The following SOX5 variants were observed in gnomAD, a reference collection of about 807,000 sequenced individuals.
SOX5 encodes SRY-box transcription factor 5.
SOX5 carries 9 observed loss-of-function variants against 92.0 expected under a neutral mutation model. The ratio of observed to expected loss-of-function variants is 0.10; its 90% CI spans 0.06 to 0.17. SOX5 has a LOEUF of 0.17. SOX5 is among the 10% of genes least tolerant of loss of function. The pLI is 1.00. For missense variants in SOX5, 642 were observed against 944.5 expected, an observed-to-expected ratio of 0.68 and a Z score of 4.20; for synonymous variants, 344 against 336.3, an observed-to-expected ratio of 1.02 and a Z score of -0.25.
In SOX5 at chr12:24,323,189, T is replaced by C. The variant is rs761117332; in HGVS notation, c.-174+45374A>G. Among the ~76,000 whole-genome samples, 122 of 152,040 alleles carry C rather than the reference T, an allele frequency of 8.0e-4. 1 individual carries two copies. In the Middle Eastern group the frequency reaches 0.02, roughly 25 times the overall value. On this transcript the variant is annotated intron_variant, in intron 2 of 4. Transcript: ENST00000446891. ...GCCTTAAAATGATTTTGATGTACCA[T>C]TGTGGTAAGGCAATGTAATAAATTA... is the stretch of plus-strand genomic sequence containing the variant.
intron 1 of SOX5, among the ~76,000 whole-genome samples, chr12:24,470,264 G>A (rs756272611): frequency 3.3e-5 from 5 of 152,078 alleles, no homozygotes; most frequent in East Asian, 1.9e-4. Context: ...GCATCATTAC[G>A]ACATCAGCCT....
intron 2 of SOX5, among the ~76,000 whole-genome samples, 173 bp downstream of exon 2, chr12:23,895,620 T>C (rs1159977409): frequency 6.6e-6 from 1 of 152,210 alleles, no homozygotes; most frequent in South Asian, 2.1e-4. Context: ...AAACAGCGTA[T>C]CTTATGCTGC....
chr12:23,938,834 T>C (rs1943097845), intron 1 of SOX5, among the ~76,000 whole-genome samples: 1 of 151,066 alleles, frequency 6.6e-6, no homozygotes, highest in Non-Finnish European at 1.5e-5. Context: ...AAAACAATTA[T>C]ATTAACTACA....
chr12:24,013,827 A>G (rs1953248930), intron 4 of SOX5, among the ~76,000 whole-genome samples: 1 of 152,194 alleles, frequency 6.6e-6, no homozygotes, highest in Admixed American at 6.5e-5. Context: ...GTTTTCATAG[A>G]TTTCTAAGAC....
intron 3 of SOX5, among the ~76,000 whole-genome samples, chr12:23,805,441 AC>A (rs1379415175): frequency 2.6e-5 from 4 of 152,168 alleles, no homozygotes; most frequent in South Asian, 2.1e-4. Context: ...TGAAAAAAAA[AC>A]ATATGCTCAA....
chr12:24,277,889 T>C (rs1031446144), intron 2 of SOX5, among the ~76,000 whole-genome samples: 7 of 152,142 alleles, frequency 4.6e-5, no homozygotes, highest in Non-Finnish European at 7.4e-5. Context: ...TTCATTTCAT[T>C]CCATCACTGC....
At chr12:24,390,327 G>A (rs1008338752) in intron 1 of SOX5, among the ~76,000 whole-genome samples, 62 of 152,150 alleles carry the variant, frequency 4.1e-4, no homozygotes, top group African/African-American at 1.4e-3. Flanking sequence ...TCTTGCTTGA[G>A]CAGCTATGCC....
chr12:24,516,272 T>C (rs1258473602), intron 1 of SOX5, among the ~76,000 whole-genome samples: 1 of 152,142 alleles, frequency 6.6e-6, no homozygotes, highest in East Asian at 1.9e-4. Flanking sequence ...GGTCTCTGAC[T>C]CCTGGCCTCA....
chr12:24,314,378 G>C (rs1025626173), intron 2 of SOX5, among the ~76,000 whole-genome samples: 15 of 136,584 alleles, frequency 1.1e-4, no homozygotes, highest in African/African-American at 2.7e-4. Flanking sequence ...AGTAGGGGGA[G>C]GGGGGAGGGA....
At chr12:23,938,891 T>A (rs774120488) in intron 1 of SOX5, among the ~76,000 whole-genome samples, 3 of 151,038 alleles carry the variant, frequency 2.0e-5, no homozygotes, top group African/African-American at 7.3e-5. Flanking sequence ...TTATTTTATA[T>A]GCTGAAATAA....
chr12:24,144,010 G>T (rs1950838971), intron 4 of SOX5, among the ~76,000 whole-genome samples: 2 of 150,978 alleles, frequency 1.3e-5, no homozygotes, highest in Non-Finnish European at 3.0e-5. Context: ...ATAAAATGAA[G>T]AAAATTATAG....
chr12:24,264,816 T>G (rs1298178564), intron 3 of SOX5, among the ~76,000 whole-genome samples: 1 of 152,230 alleles, frequency 6.6e-6, no homozygotes, highest in East Asian at 1.9e-4. Context: ...GGATTTGAGT[T>G]TTCAAAAGTT....
chr12:23,823,865 G>A (rs2096176007), intron 3 of SOX5, among the ~76,000 whole-genome samples: 2 of 151,980 alleles, frequency 1.3e-5, no homozygotes, highest in Admixed American at 1.3e-4. Flanking sequence ...TCATTAAGTT[G>A]ATCTTCAATC....
At chr12:24,263,764 T>C (rs892844455) in intron 3 of SOX5, among the ~76,000 whole-genome samples, 1 of 152,166 alleles carries the variant, frequency 6.6e-6, no homozygotes, top group Non-Finnish European at 1.5e-5. Context: ...CTGAGCAATA[T>C]TTACCTACGT....
chr12:24,360,242 A>C (rs1955390157), intron 2 of SOX5, among the ~76,000 whole-genome samples: 1 of 152,218 alleles, frequency 6.6e-6, no homozygotes, highest in African/African-American at 2.4e-5. Context: ...CCTTATATAA[A>C]TAGAACCAGC....
intron 1 of SOX5, among the ~76,000 whole-genome samples, chr12:24,442,599 A>G (rs1258858355): frequency 6.6e-6 from 1 of 152,210 alleles, no homozygotes; most frequent in Non-Finnish European, 1.5e-5. Context: ...AGAAAGTCAC[A>G]TTGCACAAAA....
chr12:24,109,430 A>T (rs1444063767), intron 4 of SOX5, among the ~76,000 whole-genome samples: 1 of 152,184 alleles, frequency 6.6e-6, no homozygotes, highest in Non-Finnish European at 1.5e-5. Context: ...AGAATTATGC[A>T]CTTCTACCAC....
At chr12:24,250,602 G>A (rs542559173) in intron 3 of SOX5, among the ~76,000 whole-genome samples, 42 of 152,280 alleles carry the variant, frequency 2.8e-4, no homozygotes, top group South Asian at 4.1e-4. Flanking sequence ...AAACATCTTC[G>A]AAATCAAAAA....
intron 2 of SOX5, among the ~76,000 whole-genome samples, chr12:24,288,687 G>A (rs1946215398): frequency 6.6e-6 from 1 of 151,942 alleles, no homozygotes; most frequent in African/African-American, 2.4e-5. Context: ...GTGAATAAAG[G>A]AGTAACCTTT....
Sources: allele counts gnomAD v4.1 joint callset (sites outside exome capture counted in the v4.1 genomes callset), GRCh38; gene constraint gnomAD v4.1.1; transcripts MANE v1.5; gene names NCBI Gene and HGNC (gene_info 2026-07-23, HGNC 2026-07-21).